LGSN: variants seen among roughly 807,000 people sequenced by gnomAD.
LGSN encodes lengsin, lens protein with glutamine synthetase domain, also known as lengsin.
Under a neutral mutation model 19.5 loss-of-function variants are expected in LGSN, and 21 were observed. That is an observed-to-expected ratio of 1.07 (90% CI 0.76 to 1.55). The LOEUF is 1.55. LGSN is among the 40% of genes most tolerant of loss of function. The pLI is 0.00. For synonymous variants in LGSN, 257 were observed against 215.6 expected, an observed-to-expected ratio of 1.19 and a Z score of -1.68; for missense variants, 673 against 608.5, an observed-to-expected ratio of 1.11 and a Z score of -1.12.
chr6:63,390,638 C>T, the LGSN span, among the ~76,000 whole-genome samples: 2 of 150,938 alleles, frequency 1.3e-5, no homozygotes, highest in African/African-American at 4.9e-5. Context: ...GGGCGGATCA[C>T]GAGGTCAGGA....
At chr6:63,283,666 G>A (rs941384429) in intron 3 of LGSN, among the ~76,000 whole-genome samples, 7 of 143,850 alleles carry the variant, frequency 4.9e-5, no homozygotes, top group East Asian at 2.0e-4. Context: ...ACACACACAC[G>A]ATATTTAGGT....
At chr6:63,443,134 A>T in the LGSN span, among the ~76,000 whole-genome samples, 7 of 152,296 alleles carry the variant, frequency 4.6e-5, no homozygotes, top group African/African-American at 1.7e-4. Context: ...CCGGGTGCGG[A>T]CAAGCCAGCA....
chr6:63,428,906 G>A, the LGSN span, among the ~76,000 whole-genome samples: 1 of 152,168 alleles, frequency 6.6e-6, no homozygotes, highest in Admixed American at 6.5e-5. Context: ...TATAGCAGCT[G>A]GGCATGGTGG....
the LGSN span, among the ~76,000 whole-genome samples, chr6:63,458,478 G>A: frequency 1.2e-4 from 19 of 152,002 alleles, no homozygotes; most frequent in East Asian, 1.9e-4. Flanking sequence ...CATTGTTACC[G>A]TGTTTATATA....
the LGSN span, among the ~76,000 whole-genome samples, chr6:63,510,341 CACATG>C: frequency 6.6e-6 from 1 of 152,002 alleles, no homozygotes; most frequent in South Asian, 2.1e-4. Flanking sequence ...GCACAAACAC[CACATG>C]ATCCCAAAGG....
the LGSN span, chr6:63,441,530 A>G: frequency 9.6e-6 from 4 of 417,020 alleles, no homozygotes; most frequent in Non-Finnish European, 1.8e-5. Context: ...GTACAGACAG[A>G]CCACAAGTGG....
chr6:63,350,907 G>GT, the LGSN span, among the ~76,000 whole-genome samples: 2 of 151,882 alleles, frequency 1.3e-5, no homozygotes, highest in Non-Finnish European at 2.9e-5. Flanking sequence ...AAAACAATTG[G>GT]TTTTTTATCC....
At chr6:63,451,275 G>A in the LGSN span, among the ~76,000 whole-genome samples, 13 of 152,130 alleles carry the variant, frequency 8.5e-5, no homozygotes, top group Admixed American at 8.5e-4. Context: ...CTATTATAAA[G>A]ACACATACAT....
At chr6:63,539,333 A>G in the LGSN span, among the ~76,000 whole-genome samples, 6 of 152,214 alleles carry the variant, frequency 3.9e-5, no homozygotes, top group Non-Finnish European at 7.3e-5. Context: ...GAAGGATTAA[A>G]CATTACAATG....
the LGSN span, among the ~76,000 whole-genome samples, chr6:63,447,752 C>A: frequency 3.9e-5 from 6 of 152,092 alleles, no homozygotes; most frequent in Non-Finnish European, 7.4e-5. Context: ...ACTTTTATGT[C>A]AAAATCTTTC....
the LGSN span, among the ~76,000 whole-genome samples, chr6:63,356,998 C>A: frequency 8.9e-6 from 1 of 112,218 alleles, no homozygotes; most frequent in Non-Finnish European, 1.7e-5. Flanking sequence ...CACCCCACAA[C>A]AGGCCCCGGT....
chr6:63,420,268 G>A, the LGSN span, among the ~76,000 whole-genome samples: 1 of 151,760 alleles, frequency 6.6e-6, no homozygotes, highest in Non-Finnish European at 1.5e-5. Context: ...CATCCCCCCG[G>A]CCCCCTGGGC....
At chr6:63,518,693 T>C in the LGSN span, among the ~76,000 whole-genome samples, 1 of 152,206 alleles carries the variant, frequency 6.6e-6, no homozygotes, top group Non-Finnish European at 1.5e-5. Context: ...CATTCAGCCT[T>C]CACAGTGTAC....
At chr6:63,291,094 A>G (rs929977226) in intron 2 of LGSN, among the ~76,000 whole-genome samples, 3 of 152,202 alleles carry the variant, frequency 2.0e-5, no homozygotes, top group African/African-American at 7.2e-5. Context: ...GGAGCATGCA[A>G]CAGGGACATG....
chr6:63,564,291 G>A, the LGSN span, among the ~76,000 whole-genome samples: 39 of 148,952 alleles, frequency 2.6e-4, 1 homozygote, highest in Admixed American at 2.1e-3. Context: ...AAAAAAAAAA[G>A]AGAGAAATTT....
At chr6:63,542,025 GTGTGTGT>G in the LGSN span, among the ~76,000 whole-genome samples, 1 of 29,326 alleles carries the variant, frequency 3.4e-5, no homozygotes, top group African/African-American at 7.4e-5. Context: ...AAACTGTGGT[GTGTGTGT>G]GTGTGTGTGT....
At chr6:63,424,974 G>A in the LGSN span, among the ~76,000 whole-genome samples, 3 of 114,082 alleles carry the variant, frequency 2.6e-5, no homozygotes, top group Non-Finnish European at 4.2e-5. Context: ...TTCCAGAATG[G>A]ATAAAAGACA....
At chr6:63,546,718 A>G in the LGSN span, among the ~76,000 whole-genome samples, 1 of 152,140 alleles carries the variant, frequency 6.6e-6, no homozygotes, top group African/African-American at 2.4e-5. Flanking sequence ...AAAAAAAAAA[A>G]TAGAGTACAA....
chr6:63,287,643 G>A (rs1295534178), intron 2 of LGSN, among the ~76,000 whole-genome samples: 1 of 151,958 alleles, frequency 6.6e-6, no homozygotes, highest in Non-Finnish European at 1.5e-5. Flanking sequence ...GGGAGGTAGA[G>A]GTTGCAGTGA....
Sources: gnomAD v4.1 joint callset for allele counts (sites outside exome capture counted in the v4.1 genomes callset) on GRCh38, gnomAD v4.1.1 for gene constraint, MANE v1.5 for transcripts, NCBI Gene and HGNC (gene_info 2026-07-23, HGNC 2026-07-21) for gene names.